ADAMTSL3: variants seen among roughly 807,000 people sequenced by gnomAD.
ADAMTSL3 encodes ADAMTS like 3.
A neutral mutation model predicts 201.7 loss-of-function variants in ADAMTSL3; 128 were observed. That is an observed-to-expected ratio of 0.63 (90% confidence interval 0.55 to 0.73). The LOEUF is 0.73. Ranked by LOEUF, ADAMTSL3 falls within the 30% of genes least tolerant of loss-of-function variation. The pLI is 0.00. For missense variants in ADAMTSL3, 1,990 were observed against 2,119.6 expected (o/e 0.94, Z 1.20); for synonymous variants, 738 against 748.4 (o/e 0.99, Z 0.23).
rs562921789 is a variant in ADAMTSL3 at position 83,989,104 on chromosome 15, G to A, written c.3844+286G>A. Among the ~76,000 whole-genome samples, 12 of 152,152 alleles carry A rather than the reference G, an allele frequency of 7.9e-5. 1 individual carries two copies. In the East Asian group the frequency reaches 2.1e-3, roughly 27 times the overall value. On this transcript the variant is annotated intron_variant, in intron 22 of 29. Coordinates refer to ENST00000286744, the MANE Select transcript of ADAMTSL3 (RefSeq NM_207517.3). ...TCACCATGTTAGCCAGGATGGTCTCGATCTCCTGACCTCGTGATCCACCCG... is the reference window on the plus strand; with the variant it reads ...TCACCATGTTAGCCAGGATGGTCTCAATCTCCTGACCTCGTGATCCACCCG...
chr15:83,801,277 A>G (rs1361052721), intron 4 of ADAMTSL3, among the ~76,000 whole-genome samples: 1 of 152,122 alleles, frequency 6.6e-6, no homozygotes, highest in Non-Finnish European at 1.5e-5. Flanking sequence ...AAATTAGGTA[A>G]CGCTTTTGGA....
chr15:83,862,108 A>G (rs982103847), intron 8 of ADAMTSL3: 1 of 152,224 alleles, frequency 6.6e-6, no homozygotes, highest in African/African-American at 2.4e-5. Context: ...TCCAAGAAAT[A>G]TGGGACTATG....
chr15:83,883,242 G>A (rs1249901073), intron 9 of ADAMTSL3, among the ~76,000 whole-genome samples: 2 of 150,590 alleles, frequency 1.3e-5, no homozygotes, highest in African/African-American at 2.4e-5. Context: ...GTGTGATCTC[G>A]GCTCATTGCA....
intron 7 of ADAMTSL3, among the ~76,000 whole-genome samples, chr15:83,856,165 C>CT (rs201506032): frequency 9.1e-4 from 129 of 141,232 alleles, no homozygotes; most frequent in African/African-American, 1.1e-3. Context: ...CTTTCCTTTC[C>CT]TTTTTTTTTT....
At chr15:83,963,729 G>C (rs1203183406) in intron 19 of ADAMTSL3, among the ~76,000 whole-genome samples, 3 of 152,228 alleles carry the variant, frequency 2.0e-5, no homozygotes, top group African/African-American at 7.2e-5. Flanking sequence ...CCTCTCAGTA[G>C]GGGCTGACAG....
intron 6 of ADAMTSL3, among the ~76,000 whole-genome samples, chr15:83,827,648 T>A (rs565638645): frequency 0.011 from 1,752 of 152,348 alleles, 21 homozygotes; most frequent in Non-Finnish European, 0.018. Context: ...GTTTTAGGTC[T>A]AACATTTAAG....
intron 24 of ADAMTSL3, among the ~76,000 whole-genome samples, chr15:84,015,280 G>A (rs907005792): frequency 3.9e-5 from 6 of 152,118 alleles, no homozygotes; most frequent in Non-Finnish European, 8.8e-5. Flanking sequence ...ATGAAGGAAT[G>A]AAATTGAACC....
At chr15:83,987,523 G>A (rs748380518) in intron 21 of ADAMTSL3, among the ~76,000 whole-genome samples, 2 of 152,208 alleles carry the variant, frequency 1.3e-5, no homozygotes, top group Non-Finnish European at 2.9e-5. Context: ...ATGAACCAGA[G>A]AAGAAGGAGC....
intron 23 of ADAMTSL3, among the ~76,000 whole-genome samples, chr15:84,007,955 A>G (rs1402113977): frequency 6.6e-6 from 1 of 152,174 alleles, no homozygotes; most frequent in Non-Finnish European, 1.5e-5. Flanking sequence ...GTGCCTCAAG[A>G]GTAGTTTATA....
intron 7 of ADAMTSL3, among the ~76,000 whole-genome samples, chr15:83,844,574 G>A (rs575121447): frequency 1.3e-5 from 2 of 152,254 alleles, no homozygotes; most frequent in Admixed American, 1.3e-4. Context: ...AACTGCGATT[G>A]AGAAAGGAAT....
chr15:83,710,381 A>G (rs779909272), intron 3 of ADAMTSL3, among the ~76,000 whole-genome samples: 13 of 152,066 alleles, frequency 8.5e-5, no homozygotes, highest in Non-Finnish European at 1.9e-4. Context: ...TGGTTTTCAA[A>G]TTCTTACTGT....
chr15:83,706,314 C>T (rs1189942884), intron 3 of ADAMTSL3, among the ~76,000 whole-genome samples: 1 of 152,066 alleles, frequency 6.6e-6, no homozygotes, highest in Non-Finnish European at 1.5e-5. Context: ...GGAAAACAAG[C>T]CCCTTCAGTC....
intron 4 of ADAMTSL3, among the ~76,000 whole-genome samples, chr15:83,787,050 C>T (rs776168647): frequency 6.6e-6 from 1 of 152,068 alleles, no homozygotes; most frequent in African/African-American, 2.4e-5. Context: ...CTCTTCTTTC[C>T]GCCTAAATCA....
At chr15:83,892,060 A>C (rs2065510450) in intron 12 of ADAMTSL3, among the ~76,000 whole-genome samples, 1 of 151,606 alleles carries the variant, frequency 6.6e-6, no homozygotes, top group Admixed American at 6.6e-5. Context: ...ACTAAAACGT[A>C]GAAAAATTAG....
chr15:83,743,755 T>C (rs574973682), intron 3 of ADAMTSL3, among the ~76,000 whole-genome samples: 1 of 152,126 alleles, frequency 6.6e-6, no homozygotes, highest in Admixed American at 6.6e-5. Context: ...TATGAGGAGA[T>C]TGGATGAAGA....
intron 4 of ADAMTSL3, among the ~76,000 whole-genome samples, chr15:83,784,955 G>T (rs943938866): frequency 6.6e-6 from 1 of 152,054 alleles, no homozygotes; most frequent in Non-Finnish European, 1.5e-5. Flanking sequence ...AACACTCATT[G>T]TCTATCTTAA....
intron 19 of ADAMTSL3, among the ~76,000 whole-genome samples, chr15:83,964,541 C>T (rs1290798016): frequency 1.3e-5 from 2 of 152,066 alleles, no homozygotes; most frequent in Non-Finnish European, 2.9e-5. Flanking sequence ...ACCAAACCTA[C>T]GTTTGTTTGG....
chr15:83,991,569 C>G (rs985892614), intron 23 of ADAMTSL3, among the ~76,000 whole-genome samples: 7 of 152,204 alleles, frequency 4.6e-5, no homozygotes, highest in Admixed American at 2.0e-4. Context: ...AATACAAAGT[C>G]AGAGGAGGGG....
At position 83,926,034 on chromosome 15, in the gene ADAMTSL3, G is replaced by A. The variant is rs140801776; in HGVS notation, c.2117+2001G>A. The stretch of plus-strand genomic sequence containing the variant: ...TAAATTTAATCTGGGGATGGGGCAC[G>A]AGGTAGATGTTAAATAAACAGCGTC... On this transcript the variant is annotated intron_variant, in intron 17 of 29. Coordinates refer to ENST00000286744, the MANE Select transcript of ADAMTSL3 (RefSeq NM_207517.3). 4.0e-4 allele frequency among the ~76,000 whole-genome samples: 61 copies of A among 152,294 alleles called. No homozygotes were observed. The East Asian group carries it at 0.011, about 26-fold the overall frequency.
Sources: gnomAD v4.1 joint callset for allele counts (sites outside exome capture counted in the v4.1 genomes callset) on GRCh38, gnomAD v4.1.1 for gene constraint, MANE v1.5 for transcripts, NCBI Gene and HGNC (gene_info 2026-07-23, HGNC 2026-07-21) for gene names.